Variants in SLC25A13 observed in about 807,000 individuals in gnomAD.
SLC25A13 encodes the protein electrogenic aspartate/glutamate antiporter SLC25A13, mitochondrial.
A neutral mutation model predicts 85.5 loss-of-function variants in SLC25A13; 70 were observed. The ratio of observed to expected loss-of-function variants is 0.82; its 90% confidence interval spans 0.68 to 1.00. SLC25A13 has a LOEUF of 1.00. Among genes scored for constraint, SLC25A13 ranks in the 50% least tolerant of loss-of-function variants. The probability of loss-of-function intolerance (pLI) is 0.00; values close to 1 mark genes in which losing one functional copy is unlikely to be tolerated. For missense variants in SLC25A13, 765 were observed against 819.8 expected (o/e 0.93, Z 0.82); for synonymous variants, 259 against 288.7 (o/e 0.90, Z 1.04).
chr7:96,274,774 G>A (rs561153287), intron 3 of SLC25A13, among the ~76,000 whole-genome samples: 64 of 152,174 alleles, frequency 4.2e-4, no homozygotes, highest in African/African-American at 1.5e-3. Context: ...GAATCCTTTC[G>A]CCATTTCTTG....
intron 3 of SLC25A13, among the ~76,000 whole-genome samples, chr7:96,256,114 C>T (rs1666081427): frequency 6.6e-6 from 1 of 151,966 alleles, no homozygotes; most frequent in South Asian, 2.1e-4. Context: ...CTAGCCACTG[C>T]AAAAACAAAC....
At chr7:96,279,057 T>C (rs988190355) in intron 2 of SLC25A13, among the ~76,000 whole-genome samples, 2 of 152,188 alleles carry the variant, frequency 1.3e-5, no homozygotes, top group African/African-American at 4.8e-5. Context: ...TCCAAATTCC[T>C]GGCAATTTTC....
intron 1 of SLC25A13, among the ~76,000 whole-genome samples, chr7:96,313,750 G>A (rs765184428): frequency 2.6e-5 from 4 of 151,824 alleles, no homozygotes; most frequent in African/African-American, 4.8e-5. Flanking sequence ...ATGTACCTCC[G>A]GAATCTAAAA....
chr7:96,155,777 G>A (rs1315518745), intron 13 of SLC25A13, among the ~76,000 whole-genome samples: 1 of 152,192 alleles, frequency 6.6e-6, no homozygotes. Flanking sequence ...CACTTCTGAT[G>A]TAGGAGGCAC....
chr7:96,267,882 T>G (rs903086214), intron 3 of SLC25A13, among the ~76,000 whole-genome samples: 3 of 151,958 alleles, frequency 2.0e-5, no homozygotes, highest in African/African-American at 7.3e-5. Flanking sequence ...GACAAGGCGG[T>G]ATGGTGAATC....
At chr7:96,155,461 GC>G (rs1432925297) in intron 13 of SLC25A13, among the ~76,000 whole-genome samples, 3 of 152,042 alleles carry the variant, frequency 2.0e-5, no homozygotes, top group Non-Finnish European at 4.4e-5. Flanking sequence ...CTATCGTTCT[GC>G]CCTTTATAGG....
chr7:96,134,629 A>T (rs4729234), intron 14 of SLC25A13, among the ~76,000 whole-genome samples: 1 of 150,740 alleles, frequency 6.6e-6, no homozygotes, highest in Admixed American at 6.6e-5. Context: ...CCTTCTGAGA[A>T]CCTCCTTCTT....
chr7:96,228,991 C>G (rs1796423398), intron 4 of SLC25A13, among the ~76,000 whole-genome samples: 1 of 152,178 alleles, frequency 6.6e-6, no homozygotes, highest in African/African-American at 2.4e-5. Flanking sequence ...CCAAGTCCCC[C>G]CAACCCCGTG....
intron 11 of SLC25A13, among the ~76,000 whole-genome samples, chr7:96,182,402 CAG>C (rs1474981763): frequency 6.6e-6 from 1 of 152,250 alleles, no homozygotes; most frequent in Admixed American, 6.5e-5. Context: ...ATCATCCTGA[CAG>C]ACAGCTCTGT....
At chr7:96,290,438 A>G (rs954581106) in intron 2 of SLC25A13, among the ~76,000 whole-genome samples, 4 of 152,160 alleles carry the variant, frequency 2.6e-5, no homozygotes, top group African/African-American at 9.7e-5. Flanking sequence ...TTAACCTTAA[A>G]TGTAAATGGG....
At chr7:96,180,709 G>C (rs1035938221) in intron 11 of SLC25A13, among the ~76,000 whole-genome samples, 20 of 152,230 alleles carry the variant, frequency 1.3e-4, no homozygotes, top group Admixed American at 1.0e-3. Context: ...CTCATCACCT[G>C]AAAGATCTGA....
intron 11 of SLC25A13, among the ~76,000 whole-genome samples, chr7:96,174,637 G>A (rs1271168214): frequency 6.6e-6 from 1 of 152,128 alleles, no homozygotes; most frequent in Non-Finnish European, 1.5e-5. Context: ...CAAAATTGTG[G>A]ATGGGTTGAA....
chr7:96,312,493 G>T (rs1343704415), intron 1 of SLC25A13, among the ~76,000 whole-genome samples: 1 of 152,130 alleles, frequency 6.6e-6, no homozygotes, highest in Non-Finnish European at 1.5e-5. Flanking sequence ...CTACCTTGTA[G>T]ATGATTATAA....
intron 14 of SLC25A13, among the ~76,000 whole-genome samples, chr7:96,132,447 G>A (rs1393776538): frequency 1.3e-5 from 2 of 152,008 alleles, no homozygotes; most frequent in Non-Finnish European, 2.9e-5. Context: ...TGCCACCCAG[G>A]GTTTATGAAA....
chr7:96,288,232 A>G (rs973790519), intron 2 of SLC25A13, among the ~76,000 whole-genome samples: 1 of 152,180 alleles, frequency 6.6e-6, no homozygotes, highest in African/African-American at 2.4e-5. Context: ...GAAGTTCAAG[A>G]CCAGTCTGGC....
intron 9 of SLC25A13, among the ~76,000 whole-genome samples, chr7:96,186,946 G>A (rs1794665844): frequency 1.3e-5 from 2 of 151,942 alleles, no homozygotes; most frequent in Admixed American, 1.3e-4. Context: ...AACATTTACA[G>A]TAGCTAAAAC....
chr7:96,224,017 C>A (rs1321853040), intron 4 of SLC25A13, among the ~76,000 whole-genome samples: 3 of 152,052 alleles, frequency 2.0e-5, no homozygotes, highest in Non-Finnish European at 4.4e-5. Flanking sequence ...TTAAAACCCA[C>A]AATGGAAATG....
At chr7:96,247,185 C>T (rs945673971) in intron 3 of SLC25A13, among the ~76,000 whole-genome samples, 1 of 152,154 alleles carries the variant, frequency 6.6e-6, no homozygotes, top group Non-Finnish European at 1.5e-5. Flanking sequence ...ATTTTCTCTC[C>T]GGTTTAGCAT....
At chr7:96,250,290 G>T (rs7806206) in intron 3 of SLC25A13, among the ~76,000 whole-genome samples, 101,161 of 152,154 alleles carry the variant, frequency 0.66, 34,010 homozygotes, top group African/African-American at 0.74. Flanking sequence ...AATCCTTAGG[G>T]GCTTTCAGGG....
Sources: allele counts gnomAD v4.1 joint callset (sites outside exome capture counted in the v4.1 genomes callset), GRCh38; gene constraint gnomAD v4.1.1; transcripts MANE v1.5; gene names NCBI Gene and HGNC (gene_info 2026-07-23, HGNC 2026-07-21).